The following POLR1A variants were observed in gnomAD, a reference collection of about 807,000 sequenced individuals.
POLR1A encodes the protein DNA-directed RNA polymerase I subunit RPA1.
In POLR1A, 84 loss-of-function variants were observed where a neutral mutation model predicts 205.3. That is an observed-to-expected ratio of 0.41 (90% confidence interval 0.34 to 0.49). The LOEUF is 0.49. POLR1A is among the 20% of genes least tolerant of loss of function. The pLI, the probability that POLR1A is intolerant of heterozygous loss-of-function variation, is 0.22. For synonymous variants in POLR1A, 799 were observed against 863.7 expected, an observed-to-expected ratio of 0.93 and a Z score of 1.31; for missense variants, 1,645 against 2,204.5, an observed-to-expected ratio of 0.75 and a Z score of 5.08.
At chr2:86,057,214 C>T (rs535311486) in intron 14 of POLR1A, among the ~76,000 whole-genome samples, 186 of 152,108 alleles carry the variant, frequency 1.2e-3, no homozygotes, top group Non-Finnish European at 2.3e-3. Context: ...GTATGACTTT[C>T]AGAGGGTCAA....
At chr2:86,099,227 C>T (rs892965310) in intron 2 of POLR1A, among the ~76,000 whole-genome samples, 2 of 151,734 alleles carry the variant, frequency 1.3e-5, no homozygotes, top group Non-Finnish European at 2.9e-5. Context: ...CATGGTGGTG[C>T]GTGCCTGTAA....
intron 13 of POLR1A, 80 bp downstream of exon 13, chr2:86,069,938 C>T: frequency 6.7e-7 from 1 of 1,492,772 alleles, no homozygotes; most frequent in Non-Finnish European, 9.0e-7. Flanking sequence ...CCCAATGACC[C>T]CAGGGGCTGG....
chr2:86,074,940 G>T, intron 12 of POLR1A, 90 bp downstream of exon 12: 2 of 872,498 alleles, frequency 2.3e-6, no homozygotes, highest in Non-Finnish European at 1.8e-6. Flanking sequence ...TCCTGTGTCA[G>T]TGCGCACCGG....
At position 86,028,762 on chromosome 2, in the gene POLR1A, C is replaced by T; in HGVS notation, c.4780-51G>A. ...TTTAGAGGGCCTGGCCTTCTGCTCC[C>T]TTCTGCCTGCGTATCTCCCCCTGGC... On this transcript the variant is annotated intron_variant, in intron 31 of 33. Coordinates refer to ENST00000263857, the MANE Select transcript of POLR1A (RefSeq NM_015425.6). This position sits in a 1 kb window ranked among gnomAD's most constrained non-coding sequence, Gnocchi z 4.5. The T allele has an allele frequency of 2.2e-6, 3 of 1,347,280 alleles. No homozygotes were observed. Among genetic ancestry groups the T allele is most frequent in the African/African-American group, 1.4e-5 (1 of 69,754 alleles). The allele number at this position is 1,347,280 out of a possible 1,614,324, so 83.5% of individuals were successfully genotyped here.
In POLR1A at chr2:86,077,811, GCACACACACACACACACACACA is replaced by G. The variant is rs56874564; in HGVS notation, c.1380+26_1380+47del. The G allele has an allele frequency of 1.8e-4, 33 of 187,294 alleles. 1 individual carries two copies. The highest frequency in any genetic ancestry group is 2.6e-3 in the Middle Eastern group (2 of 756). 11.6% of individuals were successfully genotyped at this position (187,294 alleles called of 1,614,324 possible). On this transcript the variant is annotated intron_variant, in intron 11 of 33. Transcript: ENST00000263857. ...GCAAATGAGCCCTGCACGCGCGCGC[GCACACACACACACACACACACA>G]CACACACACACACACACACACACAC...
intron 11 of POLR1A, among the ~76,000 whole-genome samples, chr2:86,077,009 C>A (rs1013384390): frequency 6.6e-6 from 1 of 152,158 alleles, no homozygotes; most frequent in Non-Finnish European, 1.5e-5. Flanking sequence ...ACACATCACG[C>A]CTTTGTCCAG....
intron 3 of POLR1A, among the ~76,000 whole-genome samples, chr2:86,095,522 G>T (rs897347286): frequency 1.3e-5 from 2 of 152,070 alleles, no homozygotes; most frequent in African/African-American, 4.8e-5. Context: ...CAAACAAAAT[G>T]AAATTTTAAA....
chr2:86,034,171 C>T (rs970785327), intron 27 of POLR1A, among the ~76,000 whole-genome samples: 3 of 152,302 alleles, frequency 2.0e-5, no homozygotes, highest in South Asian at 2.1e-4. Context: ...TGGCAGAGTG[C>T]GTGCTTGGTG....
At chr2:86,042,358 T>C (rs1672624986) in intron 23 of POLR1A, among the ~76,000 whole-genome samples, 1 of 152,166 alleles carries the variant, frequency 6.6e-6, no homozygotes, top group South Asian at 2.1e-4. Context: ...CTGAGCAAAC[T>C]GGGCTTCTTT....
At position 86,089,852 on chromosome 2, in the gene POLR1A, C is replaced by G. The variant is rs757127203; in HGVS notation, c.510G>C (p.Gln170His). 2.5e-6 allele frequency: 4 copies of G among 1,611,976 alleles called. No homozygotes were observed. In the East Asian group the frequency reaches 6.7e-5, roughly 27 times the overall value. Residue 170 changes from glutamine (Q) to histidine (H), a missense_variant, in exon 4 of 34, where the codon CAG becomes CAC. Physicochemically the swap from Gln to His is conservative, Grantham distance 24. Coordinates refer to ENST00000263857, the MANE Select transcript of POLR1A (RefSeq NM_015425.6). ...ELEQYTTEIV[Q>H]NNLLGSQGAH... is the part of the protein sequence containing the mutation. ...CGCCCTGGGACCCCAGGAGGTTGTT[C>G]TGCACAATTTCAGTTGTGTATTGTT...
At chr2:86,101,439 C>T (rs901367295) in intron 1 of POLR1A, among the ~76,000 whole-genome samples, 4 of 152,098 alleles carry the variant, frequency 2.6e-5, no homozygotes, top group African/African-American at 4.8e-5. Flanking sequence ...AGGGCCAAGG[C>T]GACAGGGAGG....
intron 27 of POLR1A, chr2:86,037,071 G>A: frequency 6.6e-6 from 1 of 152,312 alleles, no homozygotes; most frequent in East Asian, 1.9e-4. Flanking sequence ...CATGAAATCT[G>A]AATTCCCATT....
chr2:86,037,266 G>A (rs548624271), intron 27 of POLR1A, among the ~76,000 whole-genome samples: 18 of 152,380 alleles, frequency 1.2e-4, no homozygotes, highest in South Asian at 4.1e-4. Context: ...TGGCACCAAC[G>A]CAGGTGCTCC....
chr2:86,048,637 A>G (rs1205089540), intron 18 of POLR1A, among the ~76,000 whole-genome samples: 1 of 152,232 alleles, frequency 6.6e-6, no homozygotes, highest in Non-Finnish European at 1.5e-5. Context: ...ACATTTATAA[A>G]GAAAAACAGC....
rs772174926 is a variant in POLR1A at position 86,080,801 on chromosome 2, C to A, written c.1086+15G>T. 33 of 1,594,986 alleles carry A rather than the reference C, an allele frequency of 2.1e-5. No individual in the cohort carries two copies. The highest frequency in any genetic ancestry group is 2.7e-5 in the Non-Finnish European group (32 of 1,170,466). On this transcript the variant is annotated intron_variant, in intron 9 of 33. Coordinates refer to ENST00000263857, the MANE Select transcript of POLR1A (RefSeq NM_015425.6). The stretch of plus-strand genomic sequence containing the variant: ...GCATGTGTGCTCATCACATCAGCAA[C>A]AGAGCAGCCCTGACCTCATCTGTAG...
chr2:86,089,417 A>G (rs1286183908), intron 4 of POLR1A, among the ~76,000 whole-genome samples: 1 of 152,266 alleles, frequency 6.6e-6, no homozygotes, highest in African/African-American at 2.4e-5. Context: ...TTCCAAGACT[A>G]GTATCACAGG....
chr2:86,084,334 TTGAACC>T (rs1301016701), intron 6 of POLR1A, among the ~76,000 whole-genome samples: 2 of 151,686 alleles, frequency 1.3e-5, no homozygotes, highest in African/African-American at 2.4e-5. Context: ...GGAGAATCGC[TTGAACC>T]TGAGAGGCAG....
chr2:86,046,787 G>A (rs1180808368), intron 19 of POLR1A, among the ~76,000 whole-genome samples: 5 of 151,786 alleles, frequency 3.3e-5, no homozygotes, highest in African/African-American at 1.2e-4. Context: ...CCAAGATTGC[G>A]CCACTGCACT....
intron 21 of POLR1A, 50 bp from the exon 22 acceptor site, chr2:86,044,354 G>A (rs770821772): frequency 1.2e-6 from 2 of 1,604,118 alleles, no homozygotes; most frequent in South Asian, 2.2e-5. Flanking sequence ...ACCTCCCCAG[G>A]GCAGCCTCTG....
Sources: gnomAD v4.1 joint callset for allele counts (sites outside exome capture counted in the v4.1 genomes callset) on GRCh38, gnomAD v4.1.1 for gene constraint, Gnocchi (gnomAD v3.1) non-coding constraint, MANE v1.5 for transcripts, NCBI Gene and HGNC (gene_info 2026-07-23, HGNC 2026-07-21) for gene names.